The following CAMTA1 variants were observed in gnomAD, a reference collection of about 807,000 sequenced individuals.
CAMTA1 encodes calmodulin binding transcription activator 1.
In CAMTA1, 27 loss-of-function variants were observed where a neutral mutation model predicts 170.9. The ratio of observed to expected loss-of-function variants is 0.16; its 90% CI spans 0.12 to 0.22. CAMTA1 has a LOEUF of 0.22. CAMTA1 is among the 10% of genes least tolerant of loss of function. The pLI, the probability that CAMTA1 is intolerant of heterozygous loss-of-function variation, is 1.00. For synonymous variants in CAMTA1, 833 were observed against 891.5 expected (o/e 0.93, Z 1.17); for missense variants, 1,619 against 2,217.2 (o/e 0.73, Z 5.42).
chr1:6,786,197 G>A (rs1569670559), intron 1 of CAMTA1, among the ~76,000 whole-genome samples: 1 of 152,014 alleles, frequency 6.6e-6, no homozygotes, highest in East Asian at 2.0e-4. Flanking sequence ...CCGCCAGGGG[G>A]ACCCCGTCCT....
intron 4 of CAMTA1, among the ~76,000 whole-genome samples, chr1:7,232,125 G>C (rs1662949475): frequency 6.6e-6 from 1 of 152,204 alleles, no homozygotes. Context: ...CCAGGGCAGA[G>C]GTGCCTTCCT....
chr1:6,809,753 G>C (rs1225847104), intron 1 of CAMTA1, among the ~76,000 whole-genome samples: 4 of 152,112 alleles, frequency 2.6e-5, no homozygotes, highest in Admixed American at 6.6e-5. Flanking sequence ...GGCTGAGAAA[G>C]AATGGTCGGA....
At chr1:7,003,370 G>A (rs1698522057) in intron 3 of CAMTA1, among the ~76,000 whole-genome samples, 1 of 152,250 alleles carries the variant, frequency 6.6e-6, no homozygotes, top group African/African-American at 2.4e-5. Flanking sequence ...GGATTTGTAT[G>A]CTTTGATTCT....
intron 6 of CAMTA1, among the ~76,000 whole-genome samples, chr1:7,544,400 C>G (rs7511874): frequency 0.038 from 5,838 of 152,238 alleles, 317 homozygotes; most frequent in African/African-American, 0.12. Flanking sequence ...GGTGGGGACA[C>G]AGCCAAACCA....
At chr1:7,106,277 AAAG>A (rs771755088) in intron 4 of CAMTA1, among the ~76,000 whole-genome samples, 10 of 152,060 alleles carry the variant, frequency 6.6e-5, no homozygotes, top group South Asian at 2.1e-4. Flanking sequence ...AGAGAGAAAG[AAAG>A]AAGGAGAAGA....
At chr1:7,676,556 G>A (rs919543604) in intron 10 of CAMTA1, among the ~76,000 whole-genome samples, 39 of 152,326 alleles carry the variant, frequency 2.6e-4, no homozygotes, top group African/African-American at 3.6e-4. Flanking sequence ...TGGCTTGGAC[G>A]GCTTCCTCGA....
rs2096872716 is a variant in CAMTA1 at position 7,748,398 on chromosome 1, A to G, written c.4689+617A>G. Among the ~76,000 whole-genome samples the G allele has an allele frequency of 6.6e-6, 1 of 152,188 alleles. No homozygotes were observed. On this transcript the variant is annotated intron_variant, in intron 19 of 22. Transcript: ENST00000303635. This position sits in a 1 kb window ranked among gnomAD's most constrained non-coding sequence, Gnocchi z 4.7. ...TTGGACCTCGTCTCAAAAAAAAACCAGAGGAAAACAAAATAAAACCATCTG... is the reference window on the plus strand; with the variant it reads ...TTGGACCTCGTCTCAAAAAAAAACCGGAGGAAAACAAAATAAAACCATCTG...
At chr1:6,850,776 G>A (rs768745527) in intron 3 of CAMTA1, among the ~76,000 whole-genome samples, 5 of 152,180 alleles carry the variant, frequency 3.3e-5, no homozygotes, top group East Asian at 1.9e-4. Context: ...GCTGAACAGA[G>A]TTTTTGTTAG....
intron 1 of CAMTA1, among the ~76,000 whole-genome samples, chr1:6,794,510 T>A (rs1213543988): frequency 6.6e-6 from 1 of 152,180 alleles, no homozygotes; most frequent in Non-Finnish European, 1.5e-5. Context: ...TTAAAAAAAA[T>A]CCATTTTGGG....
chr1:7,686,404 G>A (rs1014658955), intron 11 of CAMTA1, among the ~76,000 whole-genome samples: 3 of 152,106 alleles, frequency 2.0e-5, no homozygotes, highest in Admixed American at 6.5e-5. Flanking sequence ...CAGTAAGACC[G>A]TGGGGGGAAT....
intron 3 of CAMTA1, among the ~76,000 whole-genome samples, chr1:6,842,558 C>T (rs189576271): frequency 2.0e-4 from 30 of 152,328 alleles, no homozygotes; most frequent in Admixed American, 1.6e-3. Context: ...CTAAGAACTA[C>T]AGCCTTAAAT....
chr1:7,701,764 G>A (rs1323287938), intron 11 of CAMTA1, among the ~76,000 whole-genome samples: 2 of 152,084 alleles, frequency 1.3e-5, no homozygotes, highest in African/African-American at 4.8e-5. Flanking sequence ...CCTTGGTACT[G>A]CCAATGGACT....
intron 3 of CAMTA1, among the ~76,000 whole-genome samples, chr1:6,960,182 TATG>T (rs1419417002): frequency 6.6e-6 from 1 of 152,206 alleles, no homozygotes; most frequent in African/African-American, 2.4e-5. Context: ...TAAAAGCAAT[TATG>T]ATGATTTTTG....
At chr1:7,281,526 A>T (rs1274397258) in intron 5 of CAMTA1, among the ~76,000 whole-genome samples, 1 of 152,238 alleles carries the variant, frequency 6.6e-6, no homozygotes, top group Non-Finnish European at 1.5e-5. Context: ...TCAAAACTTG[A>T]AAACGAGCAT....
chr1:7,434,032 C>A (rs1259289362), intron 5 of CAMTA1, among the ~76,000 whole-genome samples: 2 of 152,186 alleles, frequency 1.3e-5, no homozygotes, highest in Non-Finnish European at 2.9e-5. Context: ...GCCCTGTCCC[C>A]TGTCCCTCCC....
At position 7,642,307 on chromosome 1, in the gene CAMTA1, G is replaced by A. The variant is rs1469017725; in HGVS notation, c.664+1754G>A. ...TCTGCACAGTGCTGGGTGTGCACAA[G>A]GCCCTGGAAATAGCCCTGGAATGGT... On this transcript the variant is annotated intron_variant, in intron 7 of 22. Coordinates refer to ENST00000303635, the MANE Select transcript of CAMTA1 (RefSeq NM_015215.4). The surrounding 1 kb of genome is among the most constrained non-coding windows in gnomAD (Gnocchi z 6.3). 2.0e-5 allele frequency among the ~76,000 whole-genome samples: 3 copies of A among 152,200 alleles called. No individual in the cohort carries two copies. Among genetic ancestry groups the A allele is most frequent in the East Asian group, 1.9e-4 (1 of 5,188 alleles).
intron 5 of CAMTA1, among the ~76,000 whole-genome samples, chr1:7,448,187 G>C (rs6694424): frequency 0.12 from 18,158 of 152,262 alleles, 1,862 homozygotes; most frequent in East Asian, 0.3. Context: ...GAGGAGGAGG[G>C]CACAAAGATT....
chr1:6,860,144 G>T (rs1177600539), intron 3 of CAMTA1, among the ~76,000 whole-genome samples: 1 of 151,898 alleles, frequency 6.6e-6, no homozygotes, highest in Non-Finnish European at 1.5e-5. Flanking sequence ...CTGTATTTCA[G>T]TCTTAGTTTT....
chr1:7,187,436 T>A (rs1248751473), intron 4 of CAMTA1, among the ~76,000 whole-genome samples: 2 of 152,220 alleles, frequency 1.3e-5, no homozygotes, highest in African/African-American at 2.4e-5. Flanking sequence ...TGATTTTTTT[T>A]AACGTCGTTA....
Sources: gnomAD v4.1 joint callset for allele counts (sites outside exome capture counted in the v4.1 genomes callset) on GRCh38, gnomAD v4.1.1 for gene constraint, Gnocchi (gnomAD v3.1) non-coding constraint, MANE v1.5 for transcripts, NCBI Gene and HGNC (gene_info 2026-07-23, HGNC 2026-07-21) for gene names.